DAB2IP: variants seen among roughly 807,000 people sequenced by gnomAD.
The protein encoded by DAB2IP is disabled homolog 2-interacting protein.
DAB2IP carries 28 observed loss-of-function variants against 107.2 expected under a neutral mutation model. That is an observed-to-expected ratio of 0.26 (90% CI 0.19 to 0.36). DAB2IP has a LOEUF of 0.36. Among genes scored for constraint, DAB2IP ranks in the 10% least tolerant of loss-of-function variants. DAB2IP has a pLI of 1.00. For missense variants in DAB2IP, 1,400 were observed against 1,644.7 expected (o/e 0.85, Z 2.57); for synonymous variants, 755 against 706.4 (o/e 1.07, Z -1.09).
In DAB2IP at chr9:121,607,136, A is replaced by C. The variant is rs150246258; in HGVS notation, c.40+39908A>C. Among the ~76,000 whole-genome samples, 1,426 of 152,168 alleles carry C rather than the reference A, an allele frequency of 9.4e-3. 17 individuals carry two copies. The highest frequency in any genetic ancestry group is 0.032 in the African/African-American group (1,324 of 41,534). ...GATGGGTCAGGTGACCAGGTCAGAG[A>C]TCTCTGTCCTGAAGTAGGAAGCCCC... On this transcript the variant is annotated intron_variant, in intron 1 of 16. Coordinates refer to the DAB2IP transcript ENST00000259371.
At chr9:121,678,758 G>T in exon 2 of DAB2IP, 2 of 1,596,194 alleles carry the variant, frequency 1.3e-6, no homozygotes, top group Non-Finnish European at 1.7e-6. Flanking sequence ...GGAGCCCTCG[G>T]CCGCCACGCC....
Position 121,776,524 on chromosome 9 carries a change from T to A in DAB2IP, c.3314+133T>A, listed in dbSNP as rs1026732834. 2.8e-6 allele frequency: 3 copies of A among 1,085,392 alleles called. No individual in the cohort carries two copies. The highest frequency in any genetic ancestry group is 2.9e-5 in the Admixed American group (1 of 34,032). 67.2% of individuals were successfully genotyped at this position (1,085,392 alleles called of 1,614,324 possible). On this transcript the variant is annotated intron_variant, in intron 14 of 15. Transcript: ENST00000408936. This position sits in a 1 kb window ranked among gnomAD's most constrained non-coding sequence, Gnocchi z 5.4. ...TGGAGAGAGGAGGGAAGAGAGTGTC[T>A]GGGCAGTGGGAGCAGCGTGAGCACA...
chr9:121,590,341 G>T (rs1830400817), intron 1 of DAB2IP, among the ~76,000 whole-genome samples: 1 of 151,242 alleles, frequency 6.6e-6, no homozygotes, highest in African/African-American at 2.4e-5. Flanking sequence ...TTGTGGGCCT[G>T]GGTCTTCATC....
intron 1 of DAB2IP, among the ~76,000 whole-genome samples, chr9:121,571,338 A>T (rs776720116): frequency 8.5e-5 from 13 of 152,196 alleles, no homozygotes; most frequent in Non-Finnish European, 1.6e-4. Flanking sequence ...GTAAGCATCC[A>T]ACAAATGCTT....
intron 3 of DAB2IP, among the ~76,000 whole-genome samples, chr9:121,748,582 C>A (rs1159016642): frequency 6.6e-6 from 1 of 152,238 alleles, no homozygotes; most frequent in East Asian, 1.9e-4. Flanking sequence ...TCCCTTTCTT[C>A]TGGGGCAGTG....
intron 2 of DAB2IP, among the ~76,000 whole-genome samples, chr9:121,696,570 C>T (rs1361386513): frequency 6.6e-6 from 1 of 152,098 alleles, no homozygotes; most frequent in Non-Finnish European, 1.5e-5. Flanking sequence ...GCCCTTGGCC[C>T]TCCACCCCCA....
intron 1 of DAB2IP, among the ~76,000 whole-genome samples, chr9:121,630,615 A>T (rs1004911450): frequency 6.8e-6 from 1 of 147,716 alleles, no homozygotes; most frequent in Non-Finnish European, 1.5e-5. Context: ...TTTAATTTTT[A>T]TATATATTTT....
At chr9:121,682,516 C>T (rs1032056767) in intron 2 of DAB2IP, among the ~76,000 whole-genome samples, 5 of 152,112 alleles carry the variant, frequency 3.3e-5, no homozygotes, top group South Asian at 2.1e-4. Flanking sequence ...GTTGTTTACA[C>T]CATCACATGC....
chr9:121,751,830 C>A, intron 3 of DAB2IP: 1 of 670,108 alleles, frequency 1.5e-6, no homozygotes, highest in Non-Finnish European at 1.8e-6. Context: ...CCATTCCCCT[C>A]TGCCCTCCCA....
intron 14 of DAB2IP, 31 bp from the exon 15 acceptor site, chr9:121,781,433 C>T (rs1255903158): frequency 1.2e-6 from 2 of 1,610,204 alleles, no homozygotes; most frequent in Middle Eastern, 1.7e-4. Context: ...GCCTCCAGGG[C>T]CAGTCTGACT....
chr9:121,723,455 C>T (rs1036721423), intron 3 of DAB2IP, among the ~76,000 whole-genome samples: 2 of 152,220 alleles, frequency 1.3e-5, no homozygotes, highest in Non-Finnish European at 2.9e-5. Context: ...CTGTCTCTAC[C>T]TCAGGTTCTC....
At chr9:121,676,520 C>T (rs956106629) in intron 1 of DAB2IP, among the ~76,000 whole-genome samples, 5 of 152,194 alleles carry the variant, frequency 3.3e-5, no homozygotes, top group African/African-American at 1.2e-4. Context: ...CCTTCTTCTC[C>T]CTTGCGAGTC....
chr9:121,648,268 T>A (rs746658383), upstream of DAB2IP, among the ~76,000 whole-genome samples: 4 of 151,906 alleles, frequency 2.6e-5, no homozygotes, highest in Non-Finnish European at 4.4e-5. Flanking sequence ...AATAAAAAAT[T>A]TAAAAAATAA....
At chr9:121,659,650 C>T (rs904185815) in intron 1 of DAB2IP, among the ~76,000 whole-genome samples, 14 of 151,944 alleles carry the variant, frequency 9.2e-5, no homozygotes, top group Admixed American at 3.3e-4. Flanking sequence ...AAAAATTAGC[C>T]GGGCGTGGTG....
chr9:121,773,549 GTCATA>G, intron 12 of DAB2IP, 54 bp downstream of exon 12: 1 of 1,409,984 alleles, frequency 7.1e-7, no homozygotes, highest in Non-Finnish European at 9.2e-7. Flanking sequence ...AGCTGGGGCT[GTCATA>G]CCCCATACCA....
chr9:121,606,782 T>G (rs1208754305), intron 1 of DAB2IP, among the ~76,000 whole-genome samples: 4 of 151,794 alleles, frequency 2.6e-5, no homozygotes, highest in African/African-American at 4.8e-5. Flanking sequence ...TTTTGTTTTT[T>G]TTTTTTTCTT....
chr9:121,588,569 A>T (rs1381390303), intron 1 of DAB2IP, among the ~76,000 whole-genome samples: 1 of 63,396 alleles, frequency 1.6e-5, no homozygotes, highest in Non-Finnish European at 3.0e-5. Context: ...GGAAGGGGGA[A>T]GGGTGAAGGG....
At chr9:121,733,628 A>T (rs1215467378) in intron 3 of DAB2IP, among the ~76,000 whole-genome samples, 3 of 152,232 alleles carry the variant, frequency 2.0e-5, no homozygotes, top group Non-Finnish European at 4.4e-5. Flanking sequence ...GGCAGGCAGC[A>T]GTAGCCAGGA....
chr9:121,680,171 G>A (rs1828509892), intron 2 of DAB2IP, among the ~76,000 whole-genome samples: 1 of 152,222 alleles, frequency 6.6e-6, no homozygotes, highest in African/African-American at 2.4e-5. Flanking sequence ...CAGTGTAGGA[G>A]GTGAGGCTGG....
Sources: gnomAD v4.1 joint callset for allele counts (sites outside exome capture counted in the v4.1 genomes callset) on GRCh38, gnomAD v4.1.1 for gene constraint, Gnocchi (gnomAD v3.1) non-coding constraint, MANE v1.5 for transcripts, NCBI Gene and HGNC (gene_info 2026-07-23, HGNC 2026-07-21) for gene names.